Variants in NAA35 observed in about 807,000 individuals in gnomAD.
NAA35 encodes the protein N-alpha-acetyltransferase 35, NatC auxiliary subunit.
A neutral mutation model predicts 101.7 loss-of-function variants in NAA35; 18 were observed. That is an observed-to-expected ratio of 0.18 (90% CI 0.12 to 0.26). NAA35 has a LOEUF of 0.26. Ranked by LOEUF, NAA35 falls within the 10% of genes least tolerant of loss-of-function variation. The pLI is 1.00. For missense variants in NAA35, 601 were observed against 886.8 expected (o/e 0.68, Z 4.09); for synonymous variants, 267 against 273.1 (o/e 0.98, Z 0.22).
intron 15 of NAA35, among the ~76,000 whole-genome samples, chr9:86,010,265 T>A (rs1200987536): frequency 1.3e-5 from 2 of 151,850 alleles, no homozygotes; most frequent in Non-Finnish European, 2.9e-5. Context: ...ATAATAATAA[T>A]AATAATAAAT....
Position 86,023,390 on chromosome 9 carries a change from A to G in NAA35, c.*1430A>G, listed in dbSNP as rs1200514973. ...CTGAATGCTTTAAACAAAAAAAGGCAAAGGAATGGTAGGAAATAGGCAAGA... is the reference window on the plus strand; with the variant it reads ...CTGAATGCTTTAAACAAAAAAAGGCGAAGGAATGGTAGGAAATAGGCAAGA... On this transcript the variant is annotated 3_prime_UTR_variant, in exon 23 of 23. Coordinates refer to ENST00000361671, the MANE Select transcript of NAA35 (RefSeq NM_024635.4). Among the ~76,000 whole-genome samples the G allele has an allele frequency of 2.0e-5, 3 of 152,216 alleles. No individual in the cohort carries two copies. Among genetic ancestry groups the G allele is most frequent in the African/African-American group, 7.2e-5 (3 of 41,464 alleles).
intron 21 of NAA35, 119 bp downstream of exon 21, chr9:86,018,940 C>T (rs767210332): frequency 2.2e-5 from 28 of 1,256,934 alleles, no homozygotes; most frequent in Middle Eastern, 2.0e-4. Flanking sequence ...TAGAACTTGG[C>T]GTGTTTCTGC....
At position 86,008,562 on chromosome 9, in the gene NAA35, ATGT is replaced by A. The variant is rs368362686; in HGVS notation, c.1223+1102_1223+1104del. On this transcript the variant is annotated intron_variant, in intron 14 of 22. Coordinates refer to ENST00000361671, the MANE Select transcript of NAA35 (RefSeq NM_024635.4). ...GTTATTCATTGATCAGTGCATGGAA[ATGT>A]TGTGACCAGAGACTCATAGGAATCT... Among the ~76,000 whole-genome samples the A allele has an allele frequency of 9.2e-5, 14 of 152,338 alleles. No homozygotes were observed. The East Asian group carries it at 1.7e-3, about 19-fold the overall frequency.
chr9:85,997,067 C>T (rs1397202066), intron 12 of NAA35, among the ~76,000 whole-genome samples: 1 of 151,988 alleles, frequency 6.6e-6, no homozygotes, highest in African/African-American at 2.4e-5. Context: ...CCTTCTGCCT[C>T]TCAGCCTCCC....
chr9:85,964,720 T>C (rs528448227), intron 6 of NAA35, among the ~76,000 whole-genome samples: 1 of 152,372 alleles, frequency 6.6e-6, no homozygotes, highest in Admixed American at 6.5e-5. Context: ...TAGATTAAGA[T>C]TGTGCAATCT....
intron 22 of NAA35, among the ~76,000 whole-genome samples, chr9:86,021,299 G>A (rs961728475): frequency 3.3e-5 from 5 of 152,226 alleles, no homozygotes; most frequent in Admixed American, 6.5e-5. Flanking sequence ...CTTTGGGAAA[G>A]TGAATGCTTT....
rs111642773 is a variant in NAA35 at position 86,023,362 on chromosome 9, T to C, written c.*1402T>C. Among the ~76,000 whole-genome samples the C allele has an allele frequency of 7.2e-3, 1,091 of 152,248 alleles. 6 individuals carry two copies. Among genetic ancestry groups the C allele is most frequent in the Admixed American group, 0.012 (190 of 15,288 alleles). On this transcript the variant is annotated 3_prime_UTR_variant, in exon 23 of 23. Coordinates refer to ENST00000361671, the MANE Select transcript of NAA35 (RefSeq NM_024635.4). Reference sequence around the variant, plus strand: ...AATGAAAACTGTTTCTGGCTGGTAATTACTGAATGCTTTAAACAAAAAAAG... The same window carrying C: ...AATGAAAACTGTTTCTGGCTGGTAACTACTGAATGCTTTAAACAAAAAAAG...
Position 85,956,401 on chromosome 9 carries a change from T to C in NAA35, c.158+8T>C. On this transcript the variant is annotated splice_region_variant and intron_variant, in intron 3 of 22. Transcript: ENST00000361671. Reference sequence around the variant, plus strand: ...ACTACTTCATGATAAGCTGTAAGTATTTATCCTTTGAAAATAGTGTAGTGT... The same window carrying C: ...ACTACTTCATGATAAGCTGTAAGTACTTATCCTTTGAAAATAGTGTAGTGT... 7.1e-7 allele frequency: 1 copy of C among 1,401,136 alleles called. No individual in the cohort carries two copies. Among genetic ancestry groups the C allele is most frequent in the Non-Finnish European group, 9.7e-7 (1 of 1,034,712 alleles). 86.8% of individuals were successfully genotyped at this position (1,401,136 alleles called of 1,614,324 possible).
At chr9:85,984,893 G>C (rs1830585063) in intron 11 of NAA35, among the ~76,000 whole-genome samples, 1 of 152,128 alleles carries the variant, frequency 6.6e-6, no homozygotes, top group African/African-American at 2.4e-5. Flanking sequence ...ATGGATCAGT[G>C]ACTTAAATGT....
chr9:85,977,633 A>G (rs1283440478), intron 10 of NAA35, among the ~76,000 whole-genome samples, 187 bp downstream of exon 10: 1 of 152,016 alleles, frequency 6.6e-6, no homozygotes, highest in Non-Finnish European at 1.5e-5. Flanking sequence ...ATTTTGTTTT[A>G]TTTTTTACTT....
chr9:85,965,997 G>A (rs1403814552), intron 6 of NAA35, among the ~76,000 whole-genome samples: 3 of 152,106 alleles, frequency 2.0e-5, no homozygotes, highest in African/African-American at 7.2e-5. Context: ...GGAGTGCAGC[G>A]GCATGATCGT....
intron 19 of NAA35, 142 bp from the exon 20 acceptor site, chr9:86,018,113 T>A: frequency 1.4e-6 from 1 of 707,418 alleles, no homozygotes; most frequent in Non-Finnish European, 2.3e-6. Context: ...CCTGTGCTTA[T>A]GACAATTATA....
In NAA35 at chr9:85,984,821, C is replaced by T. The variant is rs148206313; in HGVS notation, c.877+6440C>T. 2.2e-3 allele frequency among the ~76,000 whole-genome samples: 339 copies of T among 152,040 alleles called. 1 individual carries two copies. Among genetic ancestry groups the T allele is most frequent in the African/African-American group, 7.7e-3 (318 of 41,458 alleles). On this transcript the variant is annotated intron_variant, in intron 11 of 22. Coordinates refer to ENST00000361671, the MANE Select transcript of NAA35 (RefSeq NM_024635.4). ...CTAAGACAACTGGATATCCACATGC[C>T]GGAGGATAAAGTTGGATACTCCCCA...
intron 15 of NAA35, among the ~76,000 whole-genome samples, chr9:86,011,723 A>G (rs1050710098): frequency 4.0e-5 from 6 of 148,826 alleles, no homozygotes; most frequent in Non-Finnish European, 8.9e-5. Flanking sequence ...TTTTGGGTCT[A>G]CTTCCAGTTA....
At chr9:85,975,709 CTTTCAACT>C (rs374951558) in intron 8 of NAA35, among the ~76,000 whole-genome samples, 136 of 152,246 alleles carry the variant, frequency 8.9e-4, no homozygotes, top group African/African-American at 3.2e-3. Flanking sequence ...CCACTTGATT[CTTTCAACT>C]TTTTGCCAGT....
rs114415628 is a variant in NAA35, at chr9:85,997,045, G to A, written c.1056+468G>A. Among the ~76,000 whole-genome samples the A allele has an allele frequency of 5.2e-3, 795 of 151,942 alleles. 4 individuals are homozygous for A. The highest frequency in any genetic ancestry group is 0.018 in the African/African-American group (758 of 41,418). ...AGCTCACTGCAGCCTGGACCTTCTC[G>A]GCTCAAGCAATCCTTCTGCCTCTCA... is the stretch of plus-strand genomic sequence containing the variant. On this transcript the variant is annotated intron_variant, in intron 12 of 22. Transcript: ENST00000361671.
intron 11 of NAA35, among the ~76,000 whole-genome samples, chr9:85,990,469 C>T (rs1408109658): frequency 2.6e-5 from 4 of 152,188 alleles, no homozygotes; most frequent in African/African-American, 9.7e-5. Context: ...AGAAGATTAA[C>T]AGCTACCTTT....
intron 6 of NAA35, among the ~76,000 whole-genome samples, chr9:85,967,745 T>A (rs1171757662): frequency 6.6e-6 from 1 of 151,468 alleles, no homozygotes; most frequent in Non-Finnish European, 1.5e-5. Context: ...GAGCTTGCAG[T>A]GAGCTGAGAT....
intron 12 of NAA35, among the ~76,000 whole-genome samples, chr9:85,999,847 AG>A (rs1831338832): frequency 6.6e-6 from 1 of 152,238 alleles, no homozygotes; most frequent in African/African-American, 2.4e-5. Flanking sequence ...TGGAAGATGC[AG>A]AGAACTGTGA....
Sources: allele counts gnomAD v4.1 joint callset (sites outside exome capture counted in the v4.1 genomes callset), GRCh38; gene constraint gnomAD v4.1.1; transcripts MANE v1.5; gene names NCBI Gene and HGNC (gene_info 2026-07-23, HGNC 2026-07-21).